The following THRA variants were observed in gnomAD, a reference collection of about 807,000 sequenced individuals.
THRA encodes thyroid hormone receptor alpha.
THRA carries 13 observed loss-of-function variants against 45.0 expected under a neutral mutation model. The ratio of observed to expected loss-of-function variants is 0.29; its 90% CI spans 0.19 to 0.46. The LOEUF is 0.46. THRA is among the 20% of genes least tolerant of loss of function. The probability of loss-of-function intolerance (pLI) is 1.00; values close to 1 mark genes in which losing one functional copy is unlikely to be tolerated. For missense variants in THRA, 278 were observed against 556.1 expected (o/e 0.50, Z 5.03); for synonymous variants, 195 against 214.0 (o/e 0.91, Z 0.78).
At chr17:40,087,218 C>G (rs1987353735) in intron 7 of THRA, among the ~76,000 whole-genome samples, 1 of 149,586 alleles carries the variant, frequency 6.7e-6, no homozygotes, top group African/African-American at 2.5e-5. Flanking sequence ...CACACACACA[C>G]ACACAGACAC....
At chr17:40,069,932 T>C (rs1032307906) in intron 1 of THRA, among the ~76,000 whole-genome samples, 6 of 151,846 alleles carry the variant, frequency 4.0e-5, no homozygotes, top group Non-Finnish European at 8.8e-5. Flanking sequence ...GTCTTTGATG[T>C]TAATACTGGG....
Position 40,090,032 on chromosome 17 carries a change from CAGAG to C in THRA, c.*580_*583del, listed in dbSNP as rs546852493. The C allele has an allele frequency of 3.9e-4, 388 of 987,172 alleles. 1 individual carries two copies. The South Asian group carries it at 0.011, about 29-fold the overall frequency. 61.2% of individuals were successfully genotyped at this position (987,172 alleles called of 1,614,324 possible). On this transcript the variant is annotated 3_prime_UTR_variant, in exon 9 of 9. Coordinates refer to ENST00000450525, the MANE Select transcript of THRA (RefSeq NM_199334.5). ...AGAAGACAAATGAAGAAAAACTAGA[CAGAG>C]AGAAAAATACAAAAAAGAGAGAGCG...
Position 40,090,189 on chromosome 17 carries a change from A to C in THRA, c.*733A>C, listed in dbSNP as rs747192217. On this transcript the variant is annotated 3_prime_UTR_variant, in exon 9 of 9. Transcript: ENST00000450525. ...CCACATCAGAGAGAAATGCCCCCAC[A>C]CCAGAGCCCCAAGGGTAGGGCTGCC... The C allele has an allele frequency of 2.6e-5, 5 of 195,270 alleles. No individual in the cohort carries two copies. Among genetic ancestry groups the C allele is most frequent in the Non-Finnish European group, 3.2e-5 (4 of 124,182 alleles). 12.1% of individuals were successfully genotyped at this position (195,270 alleles called of 1,614,324 possible). A position where few individuals can be genotyped will look rare whatever the true frequency, so the allele number is the denominator to read the frequency against.
At chr17:40,066,119 T>A (rs1004181810) in intron 1 of THRA, among the ~76,000 whole-genome samples, 1 of 152,156 alleles carries the variant, frequency 6.6e-6, no homozygotes, top group Non-Finnish European at 1.5e-5. Context: ...ACTAAGTATG[T>A]ACTAAGCGAG....
rs756484201 is a variant in THRA at position 40,089,481 on chromosome 17, C to T, written c.*25C>T. ...AAGCCTCAGGCGGCCAGAGGGTGTG[C>T]GGAGCTGGTGGGGAGGAGCCTGGAG... On this transcript the variant is annotated 3_prime_UTR_variant, in exon 9 of 9. Coordinates refer to ENST00000450525, the MANE Select transcript of THRA (RefSeq NM_199334.5). The surrounding 1 kb of genome is among the most constrained non-coding windows in gnomAD (Gnocchi z 6.1). 13 of 1,610,942 alleles carry T rather than the reference C, an allele frequency of 8.1e-6. No individual in the cohort carries two copies. The highest frequency in any genetic ancestry group is 2.2e-5 in the South Asian group (2 of 90,686).
chr17:40,075,554 C>G (rs1224911114), intron 2 of THRA, among the ~76,000 whole-genome samples: 1 of 152,238 alleles, frequency 6.6e-6, no homozygotes, highest in African/African-American at 2.4e-5. Context: ...CTTGCAGCCC[C>G]TGTGTCTCCC....
intron 7 of THRA, among the ~76,000 whole-genome samples, chr17:40,087,507 C>T (rs1426409836): frequency 6.6e-6 from 1 of 152,142 alleles, no homozygotes; most frequent in East Asian, 1.9e-4. Context: ...CATACAGACA[C>T]ACGCCAAGGT....
rs566350168 is a variant in THRA at position 40,075,705 on chromosome 17, A to G, written c.53+1164A>G. 3.0e-4 allele frequency among the ~76,000 whole-genome samples: 45 copies of G among 152,088 alleles called. 1 individual carries two copies. The highest frequency in any genetic ancestry group is 9.9e-4 in the African/African-American group (41 of 41,468). On this transcript the variant is annotated intron_variant, in intron 2 of 8. Coordinates refer to ENST00000450525, the MANE Select transcript of THRA (RefSeq NM_199334.5). ...CATGTCTATGCGCCACCTTGTGGCT[A>G]TCTCTAGGACTACACTCAGAGGCTG...
intron 1 of THRA, among the ~76,000 whole-genome samples, chr17:40,069,702 G>C (rs1310389486): frequency 2.0e-5 from 3 of 152,066 alleles, no homozygotes; most frequent in Non-Finnish European, 4.4e-5. Flanking sequence ...ATTGGGCAGG[G>C]GGGGCGTGAA....
intron 1 of THRA, among the ~76,000 whole-genome samples, chr17:40,065,398 GTC>G (rs949204584): frequency 6.6e-6 from 1 of 152,106 alleles, no homozygotes; most frequent in African/African-American, 2.4e-5. Context: ...GCTGGCGAGT[GTC>G]TGTGTGAGTG....
intron 2 of THRA, 52 bp from the exon 3 acceptor site, chr17:40,076,819 A>G: frequency 1.3e-6 from 2 of 1,587,926 alleles, no homozygotes; most frequent in Non-Finnish European, 1.7e-6. Context: ...CGGATGAGAA[A>G]GGGGCTACTC....
At chr17:40,071,264 G>C (rs765006867) in intron 1 of THRA, among the ~76,000 whole-genome samples, 1 of 152,228 alleles carries the variant, frequency 6.6e-6, no homozygotes, top group Non-Finnish European at 1.5e-5. Context: ...GGGTTAATGC[G>C]GGTAGTATTG....
chr17:40,068,063 A>C (rs1253984979), intron 1 of THRA, among the ~76,000 whole-genome samples: 3 of 152,266 alleles, frequency 2.0e-5, no homozygotes, highest in Admixed American at 2.0e-4. Context: ...CAAAAAACCC[A>C]ACTCTAGTTC....
chr17:40,075,026 A>C (rs80093645), intron 2 of THRA, among the ~76,000 whole-genome samples: 4,166 of 152,334 alleles, frequency 0.027, 193 homozygotes, highest in African/African-American at 0.095. Context: ...ATCTATTGGG[A>C]GCCCCACAAG....
intron 4 of THRA, among the ~76,000 whole-genome samples, chr17:40,082,287 T>G (rs1987166575): frequency 6.8e-6 from 1 of 147,080 alleles, no homozygotes; most frequent in Non-Finnish European, 1.5e-5. Flanking sequence ...CAATCTTGGC[T>G]CACCGCAACC....
chr17:40,063,431 C>T (rs1267965370), intron 1 of THRA, among the ~76,000 whole-genome samples: 1 of 152,134 alleles, frequency 6.6e-6, no homozygotes, highest in Non-Finnish European at 1.5e-5. Context: ...GCCGCCGGAG[C>T]TCCCCCGCCC....
chr17:40,068,593 A>G (rs1986655546), intron 1 of THRA, among the ~76,000 whole-genome samples: 1 of 152,202 alleles, frequency 6.6e-6, no homozygotes. Flanking sequence ...GGGAAGCAAG[A>G]TGGGTGTTAC....
rs372837195 is a variant in THRA, at chr17:40,078,876, C to A, written c.222+1268C>A. ...CCTCCTGAGTGGCTGGGACTACAGGCACCTGCCACCACGCCCAGCTAACTT... is the reference window on the plus strand; with the variant it reads ...CCTCCTGAGTGGCTGGGACTACAGGAACCTGCCACCACGCCCAGCTAACTT... On this transcript the variant is annotated intron_variant, in intron 4 of 8. Transcript: ENST00000450525. 4.0e-4 allele frequency among the ~76,000 whole-genome samples: 61 copies of A among 152,024 alleles called. 1 individual carries two copies. In the East Asian group the frequency reaches 0.011, roughly 28 times the overall value.
intron 1 of THRA, among the ~76,000 whole-genome samples, chr17:40,070,669 G>A (rs1054967474): frequency 3.9e-5 from 6 of 152,224 alleles, no homozygotes; most frequent in East Asian, 1.9e-4. Flanking sequence ...GATCAGGAGT[G>A]GGTGGTGGGG....
Sources: allele counts gnomAD v4.1 joint callset (sites outside exome capture counted in the v4.1 genomes callset), GRCh38; gene constraint gnomAD v4.1.1; non-coding constraint Gnocchi (gnomAD v3.1); transcripts MANE v1.5; gene names NCBI Gene and HGNC (gene_info 2026-07-23, HGNC 2026-07-21).